Variants in SCHIP1 observed in about 807,000 individuals in gnomAD.
SCHIP1 encodes schwannomin-interacting protein 1.
A neutral mutation model predicts 29.7 loss-of-function variants in SCHIP1; 8 were observed. The ratio of observed to expected loss-of-function variants is 0.27; its 90% CI spans 0.16 to 0.49. The LOEUF is 0.49. Ranked by LOEUF, SCHIP1 falls within the 20% of genes least tolerant of loss-of-function variation. The probability of loss-of-function intolerance (pLI) is 0.99; values close to 1 mark genes in which losing one functional copy is unlikely to be tolerated. For missense variants in SCHIP1, 193 were observed against 294.6 expected, an observed-to-expected ratio of 0.66 and a Z score of 2.52; for synonymous variants, 76 against 94.9, an observed-to-expected ratio of 0.80 and a Z score of 1.16.
At chr3:159,790,011 C>A in the SCHIP1 span, among the ~76,000 whole-genome samples, 28 of 151,976 alleles carry the variant, frequency 1.8e-4, no homozygotes, top group African/African-American at 6.8e-4. Context: ...TTGCTGCAAC[C>A]GCTCCCACCG....
At chr3:159,765,156 C>T in the SCHIP1 span, 20 of 1,543,664 alleles carry the variant, frequency 1.3e-5, no homozygotes, top group South Asian at 1.2e-4. Context: ...GGCCGGGGTG[C>T]GTGCCCACGC....
chr3:159,761,996 C>T, the SCHIP1 span, among the ~76,000 whole-genome samples: 1 of 152,160 alleles, frequency 6.6e-6, no homozygotes, highest in Non-Finnish European at 1.5e-5. Context: ...TGCCACAGAG[C>T]AGGGAGCTTT....
At chr3:159,419,881 C>T in the SCHIP1 span, among the ~76,000 whole-genome samples, 18 of 152,316 alleles carry the variant, frequency 1.2e-4, no homozygotes, top group East Asian at 3.5e-3. Flanking sequence ...TTGTCATTGC[C>T]TGTGCATGCA....
the SCHIP1 span, among the ~76,000 whole-genome samples, chr3:159,509,716 T>C: frequency 2.0e-5 from 3 of 152,352 alleles, no homozygotes; most frequent in Admixed American, 2.0e-4. Context: ...TTATTTCTCC[T>C]TCACTTGTGA....
the SCHIP1 span, among the ~76,000 whole-genome samples, chr3:159,507,590 A>T: frequency 6.6e-6 from 1 of 152,098 alleles, no homozygotes; most frequent in African/African-American, 2.4e-5. Context: ...TCAGTATGAT[A>T]TTGGCTGTGG....
chr3:159,691,931 A>G, the SCHIP1 span, among the ~76,000 whole-genome samples: 2 of 144,728 alleles, frequency 1.4e-5, no homozygotes, highest in South Asian at 2.2e-4. Flanking sequence ...ATTGGCCTCC[A>G]CTCTCTTCTG....
At chr3:159,386,773 C>G in the SCHIP1 span, 1 of 152,314 alleles carries the variant, frequency 6.6e-6, no homozygotes, top group Non-Finnish European at 1.5e-5. Context: ...ATGGCCATAG[C>G]TAGAACTTGG....
the SCHIP1 span, among the ~76,000 whole-genome samples, chr3:159,395,293 G>T: frequency 2.1e-3 from 314 of 151,622 alleles, no homozygotes; most frequent in African/African-American, 7.3e-3. Flanking sequence ...TTAATTTTTT[G>T]AAGGGTTTTT....
the SCHIP1 span, among the ~76,000 whole-genome samples, chr3:159,490,043 T>C: frequency 6.6e-6 from 1 of 152,156 alleles, no homozygotes; most frequent in Non-Finnish European, 1.5e-5. Context: ...TTTGAGTTTT[T>C]CACAATGAGA....
At chr3:159,273,854 G>A in the SCHIP1 span, 2 of 1,613,546 alleles carry the variant, frequency 1.2e-6, no homozygotes, top group East Asian at 2.2e-5. Flanking sequence ...TACAACGTGG[G>A]ACTGTGACCA....
chr3:159,634,992 T>G, the SCHIP1 span, among the ~76,000 whole-genome samples: 1 of 152,098 alleles, frequency 6.6e-6, no homozygotes, highest in Non-Finnish European at 1.5e-5. Flanking sequence ...TGCACACGTT[T>G]TAGTAGCCAG....
chr3:159,631,077 G>A, the SCHIP1 span, among the ~76,000 whole-genome samples: 2 of 151,974 alleles, frequency 1.3e-5, no homozygotes, highest in Non-Finnish European at 1.5e-5. Flanking sequence ...ATGAAAAGGT[G>A]CTGAACATCA....
chr3:159,395,072 A>G, the SCHIP1 span, among the ~76,000 whole-genome samples: 1 of 152,016 alleles, frequency 6.6e-6, no homozygotes, highest in Middle Eastern at 3.2e-3. Flanking sequence ...GAATTTATCC[A>G]TTTCTTGTAG....
chr3:159,670,612 A>G, the SCHIP1 span, among the ~76,000 whole-genome samples: 3 of 152,316 alleles, frequency 2.0e-5, no homozygotes, highest in South Asian at 6.2e-4. Flanking sequence ...CAGATATTCT[A>G]TATGGACAAT....
chr3:159,562,848 A>T, the SCHIP1 span, among the ~76,000 whole-genome samples: 3 of 152,014 alleles, frequency 2.0e-5, no homozygotes, highest in Admixed American at 2.0e-4. Context: ...GAGGTCTCTT[A>T]TCTTGTTCTG....
the SCHIP1 span, among the ~76,000 whole-genome samples, chr3:159,414,286 C>G: frequency 6.6e-6 from 1 of 152,268 alleles, no homozygotes; most frequent in Middle Eastern, 3.4e-3. Context: ...CCATCCTACA[C>G]GTCAACATTA....
At chr3:159,593,070 C>T in the SCHIP1 span, among the ~76,000 whole-genome samples, 1 of 152,098 alleles carries the variant, frequency 6.6e-6, no homozygotes, top group African/African-American at 2.4e-5. Flanking sequence ...TTCCAGTTTC[C>T]TCATCTGCAG....
At chr3:159,682,605 C>T in the SCHIP1 span, among the ~76,000 whole-genome samples, 1 of 152,094 alleles carries the variant, frequency 6.6e-6, no homozygotes, top group African/African-American at 2.4e-5. Context: ...TAGAAGTCTC[C>T]TGAGGACATT....
At chr3:159,346,052 G>C in the SCHIP1 span, among the ~76,000 whole-genome samples, 2 of 151,860 alleles carry the variant, frequency 1.3e-5, no homozygotes, top group East Asian at 3.9e-4. Flanking sequence ...AAATTAGCTG[G>C]GCATGGTGGC....
Sources: gnomAD v4.1 joint callset for allele counts (sites outside exome capture counted in the v4.1 genomes callset) on GRCh38, gnomAD v4.1.1 for gene constraint, MANE v1.5 for transcripts, NCBI Gene and HGNC (gene_info 2026-07-23, HGNC 2026-07-21) for gene names.